PDE12: variants seen among roughly 807,000 people sequenced by gnomAD.
The protein encoded by PDE12 is 2',5'-phosphodiesterase 12.
PDE12 carries 26 observed loss-of-function variants against 45.4 expected under a neutral mutation model. The ratio of observed to expected loss-of-function variants is 0.57; its 90% CI spans 0.42 to 0.79. The LOEUF (loss-of-function observed/expected upper bound fraction) is 0.79, where lower values mean the gene tolerates loss of function less well. Among genes scored for constraint, PDE12 ranks in the 30% least tolerant of loss-of-function variants. PDE12 has a pLI of 0.00. For synonymous variants in PDE12, 283 were observed against 323.9 expected, an observed-to-expected ratio of 0.87 and a Z score of 1.36; for missense variants, 668 against 790.0, an observed-to-expected ratio of 0.85 and a Z score of 1.85.
chr3:57,651,912 T>C, the PDE12 span, among the ~76,000 whole-genome samples: 1 of 152,022 alleles, frequency 6.6e-6, no homozygotes, highest in Non-Finnish European at 1.5e-5. Context: ...AGTGTGGTGA[T>C]TTAAAATATG....
At chr3:57,559,221 A>C in intron 1 of PDE12, 89 bp from the exon 2 acceptor site, 1 of 1,149,152 alleles carries the variant, frequency 8.7e-7, no homozygotes, top group Non-Finnish European at 1.3e-6. Context: ...ACTGTCTCGA[A>C]AAAACTCAAA....
chr3:57,586,923 T>G, the PDE12 span, among the ~76,000 whole-genome samples: 1 of 152,060 alleles, frequency 6.6e-6, no homozygotes, highest in South Asian at 2.1e-4. Flanking sequence ...GAATTGAAAC[T>G]GAGACGCTGA....
chr3:57,567,029 G>A (rs979463399), downstream of PDE12, among the ~76,000 whole-genome samples: 3 of 152,300 alleles, frequency 2.0e-5, no homozygotes, highest in African/African-American at 7.2e-5. Flanking sequence ...TGACAATGTG[G>A]TCGGGCACAG....
Position 57,561,189 on chromosome 3 carries a change from A to G in PDE12, c.*1185A>G. ...TCATAAATGAACAGGGTATTTGACC[A>G]TATGATATTAGAAAATACAGCACAT... On this transcript the variant is annotated 3_prime_UTR_variant, in exon 3 of 3. Transcript: ENST00000311180. The G allele has an allele frequency of 1.0e-6, 1 of 984,104 alleles. No homozygotes were observed. The highest frequency in any genetic ancestry group is 1.7e-5 in the African/African-American group (1 of 57,298). The allele number at this position is 984,104 out of a possible 1,614,324, so 61.0% of individuals were successfully genotyped here.
the PDE12 span, among the ~76,000 whole-genome samples, chr3:57,618,867 C>A: frequency 6.6e-6 from 1 of 151,956 alleles, no homozygotes; most frequent in East Asian, 1.9e-4. Flanking sequence ...CTCAGCCTCC[C>A]AAAGTGCTGG....
chr3:57,591,995 T>C, the PDE12 span, among the ~76,000 whole-genome samples: 19 of 152,190 alleles, frequency 1.2e-4, no homozygotes, highest in Admixed American at 9.8e-4. Flanking sequence ...TTACACAACT[T>C]TGAATACATA....
chr3:57,633,840 G>A, the PDE12 span, among the ~76,000 whole-genome samples: 257 of 151,678 alleles, frequency 1.7e-3, no homozygotes, highest in African/African-American at 6.0e-3. Flanking sequence ...GCAGTGAGCC[G>A]AGATTGTGCT....
At chr3:57,582,552 G>A in the PDE12 span, among the ~76,000 whole-genome samples, 44 of 151,994 alleles carry the variant, frequency 2.9e-4, no homozygotes, top group South Asian at 7.1e-3. Flanking sequence ...AAACATTCTC[G>A]TTTTTAAATA....
At chr3:57,638,728 A>G in the PDE12 span, among the ~76,000 whole-genome samples, 2 of 152,150 alleles carry the variant, frequency 1.3e-5, no homozygotes, top group Non-Finnish European at 2.9e-5. Context: ...ACTCAATATC[A>G]CCGATCATGA....
chr3:57,556,593 G>T lies in PDE12; in HGVS notation c.214G>T (p.Gly72Cys), dbSNP rs770233950. Reference sequence around the variant, plus strand: ...GCAGCGCGACCAGAGCGAGCCGCTGGGTCGAGTCCTCAGCCGCATCGCTAC... The same window carrying T: ...GCAGCGCGACCAGAGCGAGCCGCTGTGTCGAGTCCTCAGCCGCATCGCTAC... ...NMQRDQSEPL[G>C]RVLSRIATNA... is the part of the protein sequence containing the mutation. The change falls in exon 1 of 3, where the codon GGT becomes TGT. Residue 72 changes from glycine to cysteine, a missense_variant. Physicochemically the swap from Gly to Cys is radical, Grantham distance 159. Around this residue, in one of 3 missense-constraint regions of PDE12, gnomAD observed 580 missense variants for 662.9 expected, o/e 0.87. Transcript: ENST00000311180. This position sits in a 1 kb window ranked among gnomAD's most constrained non-coding sequence, Gnocchi z 5.0. 6.2e-7 allele frequency: 1 copy of T among 1,612,982 alleles called. No individual in the cohort carries two copies. Among genetic ancestry groups the T allele is most frequent in the South Asian group, 1.1e-5 (1 of 91,078 alleles).
chr3:57,557,662 T>A lies in PDE12; in HGVS notation c.1283T>A (p.Val428Glu), dbSNP rs773670286. ...LVLYPSAQEK[V>E]LQRSSVLQVS... ...TTGTACCCATCAGCGCAGGAGAAGG[T>A]GCTCCAGAGATCTTCTGTTCTTCAG... Residue 428 changes from valine to glutamate, a missense_variant, in exon 1 of 3, where the codon GTG becomes GAG. Physicochemically the swap from Val to Glu is moderately radical, Grantham distance 121. This residue lies in a region of PDE12 where 580 missense variants were observed against 662.9 expected (regional missense o/e 0.87). Coordinates refer to ENST00000311180, the MANE Select transcript of PDE12 (RefSeq NM_177966.7). 1 of 1,613,984 alleles carries A rather than the reference T, an allele frequency of 6.2e-7. No individual in the cohort carries two copies. Among genetic ancestry groups the A allele is most frequent in the Admixed American group, 1.7e-5 (1 of 60,006 alleles).
the PDE12 span, chr3:57,641,827 T>G: frequency 8.4e-7 from 1 of 1,191,328 alleles, no homozygotes; most frequent in East Asian, 2.4e-5. Context: ...GTTTACTTTT[T>G]TTTTCAATGA....
At chr3:57,597,509 C>T in the PDE12 span, 3,951 of 184,752 alleles carry the variant, frequency 0.021, 165 homozygotes, top group African/African-American at 0.088. Flanking sequence ...GCGCTTGCGC[C>T]TGCAGGGGAT....
the PDE12 span, among the ~76,000 whole-genome samples, chr3:57,620,483 G>A: frequency 2.0e-5 from 3 of 151,974 alleles, no homozygotes; most frequent in Non-Finnish European, 2.9e-5. Flanking sequence ...TCTAGCCAGC[G>A]CAATCAAAGA....
the PDE12 span, chr3:57,583,866 G>C: frequency 6.9e-7 from 1 of 1,451,984 alleles, no homozygotes; most frequent in Non-Finnish European, 9.6e-7. Context: ...AACCCACAAA[G>C]AAAAGTTATA....
Position 57,561,374 on chromosome 3 carries a change from T to C in PDE12, c.*1370T>C. Reference sequence around the variant, plus strand: ...CATCTCTGAAATAAAAAACTTCTTTTTACAGACAAGCATTATAGTTTGAGT... The same window carrying C: ...CATCTCTGAAATAAAAAACTTCTTTCTACAGACAAGCATTATAGTTTGAGT... On this transcript the variant is annotated 3_prime_UTR_variant, in exon 3 of 3. Transcript: ENST00000311180. 4.1e-6 allele frequency: 4 copies of C among 984,290 alleles called. No homozygotes were observed. Among genetic ancestry groups the C allele is most frequent in the Non-Finnish European group, 4.8e-6 (4 of 828,570 alleles). The allele number at this position is 984,290 out of a possible 1,614,324, so 61.0% of individuals were successfully genotyped here.
At chr3:57,610,242 A>C in the PDE12 span, among the ~76,000 whole-genome samples, 1 of 152,192 alleles carries the variant, frequency 6.6e-6, no homozygotes, top group African/African-American at 2.4e-5. Context: ...TCTCAAAATA[A>C]TCAGAGCTAT....
chr3:57,583,214 T>G, the PDE12 span, among the ~76,000 whole-genome samples: 1 of 152,204 alleles, frequency 6.6e-6, no homozygotes, highest in Non-Finnish European at 1.5e-5. Flanking sequence ...ATGGACTCAA[T>G]GTGTATTTTT....
the PDE12 span, among the ~76,000 whole-genome samples, chr3:57,574,806 T>C: frequency 6.6e-6 from 1 of 151,902 alleles, no homozygotes; most frequent in Non-Finnish European, 1.5e-5. Context: ...ATTGCTTGAG[T>C]CCAGGAGTTC....
Sources: gnomAD v4.1 joint callset for allele counts (sites outside exome capture counted in the v4.1 genomes callset) on GRCh38, gnomAD v4.1.1 for gene constraint, gnomAD v4.1.1 regional missense constraint, Gnocchi (gnomAD v3.1) non-coding constraint, MANE v1.5 for transcripts, NCBI Gene and HGNC (gene_info 2026-07-23, HGNC 2026-07-21) for gene names.